The following ABLIM1 variants were observed in gnomAD, a reference collection of about 807,000 sequenced individuals.
The protein encoded by ABLIM1 is actin-binding LIM protein 1.
A neutral mutation model predicts 107.0 loss-of-function variants in ABLIM1; 40 were observed. The observed-to-expected ratio is 0.37, with a 90% CI of 0.29 to 0.49. The LOEUF (loss-of-function observed/expected upper bound fraction) is 0.49. Ranked by LOEUF, ABLIM1 falls within the 20% of genes least tolerant of loss-of-function variation. The pLI is 0.97. For missense variants in ABLIM1, 857 were observed against 1,008.5 expected (o/e 0.85, Z 2.04); for synonymous variants, 357 against 357.3 (o/e 1.00, Z 0.01).
At chr10:114,588,772 C>T (rs1334768594) in intron 2 of ABLIM1, among the ~76,000 whole-genome samples, 1 of 151,864 alleles carries the variant, frequency 6.6e-6, no homozygotes, top group Non-Finnish European at 1.5e-5. Flanking sequence ...TCCAAAGTAT[C>T]GGGATTACAG....
At chr10:114,727,182 T>C (rs2081977999) in intron 1 of ABLIM1, among the ~76,000 whole-genome samples, 3 of 152,180 alleles carry the variant, frequency 2.0e-5, no homozygotes, top group African/African-American at 7.2e-5. Context: ...AAGATAAATG[T>C]ATGGTGTCAC....
chr10:114,563,472 G>A (rs2070109490), intron 4 of ABLIM1, among the ~76,000 whole-genome samples: 1 of 151,998 alleles, frequency 6.6e-6, no homozygotes, highest in Non-Finnish European at 1.5e-5. Flanking sequence ...AAATGCAATT[G>A]GTTATGCGCC....
intron 10 of ABLIM1, among the ~76,000 whole-genome samples, chr10:114,470,801 T>C (rs1428604532): frequency 6.6e-6 from 1 of 152,230 alleles, no homozygotes; most frequent in Non-Finnish European, 1.5e-5. Flanking sequence ...TTGAGGTATA[T>C]AATTTCCCCA....
At chr10:114,547,325 C>T (rs1245710559) in intron 5 of ABLIM1, among the ~76,000 whole-genome samples, 1 of 152,070 alleles carries the variant, frequency 6.6e-6, no homozygotes, top group Non-Finnish European at 1.5e-5. Context: ...GGAAGGAGAA[C>T]AAAGGCTTAC....
At chr10:114,749,450 C>CA (rs1555232340) in intron 1 of ABLIM1, among the ~76,000 whole-genome samples, 41 of 141,488 alleles carry the variant, frequency 2.9e-4, no homozygotes, top group African/African-American at 4.1e-4. Context: ...AACACACACA[C>CA]CACACACACA....
intron 1 of ABLIM1, among the ~76,000 whole-genome samples, chr10:114,669,148 T>C (rs2141361598): frequency 6.6e-6 from 1 of 152,354 alleles, no homozygotes; most frequent in East Asian, 1.9e-4. Flanking sequence ...TGCACATAAA[T>C]GCTTGAGCCT....
chr10:114,729,683 T>C (rs999803037), intron 1 of ABLIM1, among the ~76,000 whole-genome samples: 1 of 151,920 alleles, frequency 6.6e-6, no homozygotes, highest in Non-Finnish European at 1.5e-5. Flanking sequence ...TTTTGAGAAA[T>C]AGGGAAAAGG....
At chr10:114,451,322 G>T (rs2061858376) in intron 14 of ABLIM1, among the ~76,000 whole-genome samples, 1 of 152,152 alleles carries the variant, frequency 6.6e-6, no homozygotes, top group South Asian at 2.1e-4. Flanking sequence ...AAAGAAAAAA[G>T]ACTTGCTAGG....
At chr10:114,586,664 A>G (rs1387831221) in intron 2 of ABLIM1, among the ~76,000 whole-genome samples, 2 of 145,936 alleles carry the variant, frequency 1.4e-5, no homozygotes, top group African/African-American at 5.2e-5. Flanking sequence ...GCTCCGGAAG[A>G]GAGCTATTCT....
Position 114,519,392 on chromosome 10 carries a change from G to A in ABLIM1, c.894+25613C>T, listed in dbSNP as rs180784599. Among the ~76,000 whole-genome samples the A allele has an allele frequency of 4.1e-3, 621 of 152,284 alleles. 4 individuals are homozygous for A. The highest frequency in any genetic ancestry group is 6.2e-3 in the African/African-American group (257 of 41,566). On this transcript the variant is annotated intron_variant, in intron 6 of 22. Transcript: ENST00000533213. ...TCCTGGTTGGTGCAAGGCCAGGTCC[G>A]GGAACCAGCCGGCCAGGTTGCAGCC...
chr10:114,454,507 G>A (rs540867072), intron 12 of ABLIM1, among the ~76,000 whole-genome samples: 2 of 152,266 alleles, frequency 1.3e-5, no homozygotes, highest in South Asian at 4.2e-4. Context: ...GACTGGAGGA[G>A]CAACAGGACT....
At chr10:114,509,984 A>C (rs566026297) in intron 6 of ABLIM1, among the ~76,000 whole-genome samples, 6 of 152,120 alleles carry the variant, frequency 3.9e-5, no homozygotes, top group Admixed American at 6.5e-5. Flanking sequence ...CATTTATAAA[A>C]CCATCAGATT....
upstream of ABLIM1, among the ~76,000 whole-genome samples, chr10:114,769,379 A>G: frequency 6.8e-6 from 1 of 146,752 alleles, no homozygotes; most frequent in South Asian, 2.2e-4. Flanking sequence ...AGAGAGAAAG[A>G]GACAGACAAG....
At chr10:114,724,478 T>C (rs2081916344) in intron 1 of ABLIM1, among the ~76,000 whole-genome samples, 1 of 152,162 alleles carries the variant, frequency 6.6e-6, no homozygotes, top group South Asian at 2.1e-4. Flanking sequence ...ACAGGCAAAG[T>C]TGTCTTTGGC....
intron 8 of ABLIM1, among the ~76,000 whole-genome samples, chr10:114,480,679 C>A (rs955646022): frequency 1.3e-5 from 2 of 152,106 alleles, no homozygotes; most frequent in Non-Finnish European, 2.9e-5. Flanking sequence ...GTAGGTGAAA[C>A]CTTATTTTGG....
the ABLIM1 span, among the ~76,000 whole-genome samples, chr10:114,799,792 G>T: frequency 6.6e-6 from 1 of 151,364 alleles, no homozygotes; most frequent in African/African-American, 2.4e-5. Flanking sequence ...TTTTTTTTGA[G>T]ACAGGGTCTC....
intron 2 of ABLIM1, among the ~76,000 whole-genome samples, chr10:114,586,638 T>C (rs1344268805): frequency 1.3e-5 from 2 of 152,166 alleles, no homozygotes; most frequent in Non-Finnish European, 1.5e-5. Flanking sequence ...TTGAAGGCAA[T>C]TGCAAATGAG....
chr10:114,661,759 C>G (rs1279532406), upstream of ABLIM1, among the ~76,000 whole-genome samples: 1 of 152,168 alleles, frequency 6.6e-6, no homozygotes. Flanking sequence ...CCTAATCTTT[C>G]TAGAAGCAGT....
the ABLIM1 span, among the ~76,000 whole-genome samples, chr10:114,788,413 C>CAAA: frequency 7.7e-6 from 1 of 129,036 alleles, no homozygotes; most frequent in Non-Finnish European, 1.7e-5. Flanking sequence ...GAGTCAACTC[C>CAAA]AAAAAAAAAA....
Sources: allele counts gnomAD v4.1 joint callset (sites outside exome capture counted in the v4.1 genomes callset), GRCh38; gene constraint gnomAD v4.1.1; transcripts MANE v1.5; gene names NCBI Gene and HGNC (gene_info 2026-07-23, HGNC 2026-07-21).